TARS2: variants seen among roughly 807,000 people sequenced by gnomAD.
TARS2 encodes threonine--tRNA ligase, mitochondrial.
A neutral mutation model predicts 94.4 loss-of-function variants in TARS2; 61 were observed. The ratio of observed to expected loss-of-function variants is 0.65; its 90% CI spans 0.53 to 0.80. The LOEUF (loss-of-function observed/expected upper bound fraction) is 0.80. Ranked by LOEUF, TARS2 falls within the 30% of genes least tolerant of loss-of-function variation. The pLI, the probability that TARS2 is intolerant of heterozygous loss-of-function variation, is 0.00. For missense variants in TARS2, 704 were observed against 902.5 expected, an observed-to-expected ratio of 0.78 and a Z score of 2.82; for synonymous variants, 359 against 353.4, an observed-to-expected ratio of 1.02 and a Z score of -0.18.
intron 13 of TARS2, among the ~76,000 whole-genome samples, chr1:150,503,514 C>A (rs1432162136): frequency 6.7e-6 from 1 of 149,906 alleles, no homozygotes; most frequent in African/African-American, 2.5e-5. Flanking sequence ...ATGGTGAAAC[C>A]CCATCCCTAC....
At chr1:150,504,774 GGATAGTTATGCTCCA>G in intron 15 of TARS2, 41 bp downstream of exon 15, 1 of 1,611,214 alleles carries the variant, frequency 6.2e-7, no homozygotes, top group Non-Finnish European at 8.5e-7. Flanking sequence ...GCCCCAAACC[GGATAGTTATGCTCCA>G]GATCCTGTCC....
chr1:150,505,245 G>A (rs1405565104), intron 16 of TARS2, among the ~76,000 whole-genome samples: 1 of 152,162 alleles, frequency 6.6e-6, no homozygotes, highest in Non-Finnish European at 1.5e-5. Context: ...CACAAAACTG[G>A]GATTGAGTAC....
rs1064797119 is a variant in TARS2, at chr1:150,489,093, T to C, written c.387+6T>C. On this transcript the variant is annotated splice_donor_region_variant and intron_variant, in intron 3 of 17. Transcript: ENST00000369064. ...ATTCCCCAGAGGGGAAAGCAGTAAG[T>C]TTCTTTCTTATCAGGAATACAGTGA... 3.7e-6 allele frequency: 6 copies of C among 1,614,006 alleles called. No homozygotes were observed. The highest frequency in any genetic ancestry group is 2.2e-5 in the East Asian group (1 of 44,894).
At chr1:150,493,707 C>T (rs1403764853) in intron 7 of TARS2, among the ~76,000 whole-genome samples, 12 of 150,640 alleles carry the variant, frequency 8.0e-5, no homozygotes, top group Non-Finnish European at 1.5e-5. Context: ...GATCCAAGAT[C>T]GTGCCATTGC....
chr1:150,491,463 C>T lies in TARS2; in HGVS notation c.582C>T (p.Pro194=), dbSNP rs757164178. Residue 194 remains proline (P), a synonymous_variant, in exon 5 of 18, where the codon CCC becomes CCT. Transcript: ENST00000369064. ...AGGAACTTACAGCTGCTGCTCGACCCTTCCGGAGGCTAGAGGCTTCACGGG... is the reference window on the plus strand; with the variant it reads ...AGGAACTTACAGCTGCTGCTCGACCTTTCCGGAGGCTAGAGGCTTCACGGG... ...ICQELTAAAR[P]FRRLEASRDQ... The T allele has an allele frequency of 6.2e-7, 1 of 1,614,150 alleles. No homozygotes were observed. Among genetic ancestry groups the T allele is most frequent in the Non-Finnish European group, 8.5e-7 (1 of 1,180,030 alleles).
rs776975201 is a variant in TARS2, at chr1:150,489,084, A to G, written c.384A>G (p.Lys128=). 1.7e-5 allele frequency: 27 copies of G among 1,614,152 alleles called. 1 individual carries two copies. The highest frequency in any genetic ancestry group is 3.3e-4 in the Middle Eastern group (2 of 6,060). ...RFLTFDSPEG[K]AVFWHSSTHV... is the part of the protein sequence containing the mutation. ...TGACATTCGATTCCCCAGAGGGGAA[A>G]GCAGTAAGTTTCTTTCTTATCAGGA... Residue 128 remains lysine (K), a synonymous_variant, in exon 3 of 18, where the codon AAA becomes AAG. Transcript: ENST00000369064.
At chr1:150,488,679 G>A in intron 2 of TARS2, 2 of 275,274 alleles carry the variant, frequency 7.3e-6, no homozygotes, top group Non-Finnish European at 1.4e-5. Flanking sequence ...AAATCTTCTA[G>A]CTATTTTGAA....
At chr1:150,505,759 G>A in intron 17 of TARS2, 54 bp downstream of exon 17, 1 of 1,547,450 alleles carries the variant, frequency 6.5e-7, no homozygotes, top group East Asian at 2.3e-5. Context: ...CATTCTTGCT[G>A]TTAAGTTTAC....
Position 150,507,269 on chromosome 1 carries a change from T to C in TARS2, c.*205T>C. On this transcript the variant is annotated 3_prime_UTR_variant, in exon 18 of 18. Coordinates refer to ENST00000369064, the MANE Select transcript of TARS2 (RefSeq NM_025150.5). ...TGTTTGGATGTGAGGAGAATGAAAC[T>C]ACAAAAAAAAATAAATTGGGCCAGG... 3.2e-6 allele frequency: 2 copies of C among 627,348 alleles called. No homozygotes were observed. Among genetic ancestry groups the C allele is most frequent in the Non-Finnish European group, 5.1e-6 (2 of 388,956 alleles). The allele number at this position is 627,348 out of a possible 1,614,324, so 38.9% of individuals were successfully genotyped here. A position where few individuals can be genotyped will look rare whatever the true frequency, so the allele number is the denominator to read the frequency against.
chr1:150,493,856 G>A (rs1193926203), intron 7 of TARS2, among the ~76,000 whole-genome samples: 1 of 150,666 alleles, frequency 6.6e-6, no homozygotes, highest in Non-Finnish European at 1.5e-5. Flanking sequence ...GATGTGTAGA[G>A]CAAAAAGCTC....
chr1:150,501,982 G>A (rs977679357), intron 13 of TARS2, among the ~76,000 whole-genome samples: 12 of 151,446 alleles, frequency 7.9e-5, no homozygotes, highest in South Asian at 2.1e-4. Context: ...GCGCAATCTC[G>A]GCTCACTGCA....
chr1:150,503,656 T>G (rs111788024), intron 13 of TARS2, among the ~76,000 whole-genome samples: 1 of 91,156 alleles, frequency 1.1e-5, no homozygotes, highest in African/African-American at 3.0e-5. Context: ...TGTGTGTATA[T>G]ATGTGTGTAT....
intron 12 of TARS2, 75 bp downstream of exon 12, chr1:150,499,109 G>A: frequency 6.2e-7 from 1 of 1,611,372 alleles, no homozygotes. Flanking sequence ...CAGTAATCAA[G>A]GTTCTCAGAG....
intron 13 of TARS2, among the ~76,000 whole-genome samples, chr1:150,501,164 T>TG (rs1263236000): frequency 6.6e-6 from 1 of 151,596 alleles, no homozygotes; most frequent in Non-Finnish European, 1.5e-5. Context: ...GAAAAGGCTG[T>TG]GTGCAGTGGC....
intron 13 of TARS2, among the ~76,000 whole-genome samples, chr1:150,503,585 A>ATGTG (rs1180611628): frequency 0.029 from 3,967 of 137,084 alleles, 107 homozygotes; most frequent in African/African-American, 0.049. Context: ...GTGTATATAT[A>ATGTG]TGTGTGTGTG....
intron 13 of TARS2, among the ~76,000 whole-genome samples, chr1:150,501,303 T>A (rs1039520154): frequency 5.8e-5 from 2 of 34,244 alleles, no homozygotes; most frequent in Non-Finnish European, 1.4e-4. Context: ...CAAAAAAAAA[T>A]TTTTTTTTTT....
chr1:150,487,902 C>T lies in TARS2; in HGVS notation c.111C>T (p.Gly37=). 1 of 1,613,554 alleles carries T rather than the reference C, an allele frequency of 6.2e-7. No homozygotes were observed. The highest frequency in any genetic ancestry group is 2.2e-5 in the East Asian group (1 of 44,890). The change falls in exon 2 of 18, where the codon GGC becomes GGT. Residue 37 remains glycine, a synonymous_variant. Coordinates refer to ENST00000369064, the MANE Select transcript of TARS2 (RefSeq NM_025150.5). ...CACGCTGGTTGGCAGAGCGGCTTGG[C>T]CTTTTTGAGGAGCTGTGGGCTGCTC... ...TPPRWLAERL[G]LFEELWAAQV... is the part of the protein sequence containing the mutation.
chr1:150,500,940 A>C (rs1669884671), intron 13 of TARS2, among the ~76,000 whole-genome samples: 1 of 152,152 alleles, frequency 6.6e-6, no homozygotes, highest in African/African-American at 2.4e-5. Flanking sequence ...AGGATTGAGA[A>C]GCCTTCATAG....
At chr1:150,505,354 C>T (rs1017197270) in intron 16 of TARS2, among the ~76,000 whole-genome samples, 2 of 151,920 alleles carry the variant, frequency 1.3e-5, no homozygotes, top group African/African-American at 4.8e-5. Flanking sequence ...GCAAAGTCCA[C>T]GGAATAACTG....
Sources: gnomAD v4.1 joint callset for allele counts (sites outside exome capture counted in the v4.1 genomes callset) on GRCh38, gnomAD v4.1.1 for gene constraint, MANE v1.5 for transcripts, NCBI Gene and HGNC (gene_info 2026-07-23, HGNC 2026-07-21) for gene names.